IPO9: variants seen among roughly 807,000 people sequenced by gnomAD.
IPO9 encodes the protein importin 9.
Under a neutral mutation model 128.6 loss-of-function variants are expected in IPO9, and 28 were observed. The ratio of observed to expected loss-of-function variants is 0.22; its 90% CI spans 0.16 to 0.30. The LOEUF (loss-of-function observed/expected upper bound fraction) is 0.30, where lower values mean the gene tolerates loss of function less well. Among genes scored for constraint, IPO9 ranks in the 10% least tolerant of loss-of-function variants. The pLI, the probability that IPO9 is intolerant of heterozygous loss-of-function variation, is 1.00. For synonymous variants in IPO9, 455 were observed against 475.8 expected (o/e 0.96, Z 0.57); for missense variants, 935 against 1,293.9 (o/e 0.72, Z 4.26).
At chr1:201,868,896 C>G in intron 16 of IPO9, 100 bp downstream of exon 16, 6 of 1,393,632 alleles carry the variant, frequency 4.3e-6, no homozygotes, top group Non-Finnish European at 4.7e-6. Context: ...GTTAGAGATT[C>G]ATGGGGTGAT....
In IPO9 at chr1:201,870,573, G is replaced by A. The variant is rs1680630139; in HGVS notation, c.2134-10G>A. ...ATTACTAATCTTGCTTGCCACCCCT[G>A]TCTCCCCAGAATGGCGGAGAGTGCT... On this transcript the variant is annotated splice_polypyrimidine_tract_variant and intron_variant, in intron 17 of 23. Coordinates refer to ENST00000361565, the MANE Select transcript of IPO9 (RefSeq NM_018085.5). The surrounding 1 kb of genome is among the most constrained non-coding windows in gnomAD (Gnocchi z 4.9). 6.2e-7 allele frequency: 1 copy of A among 1,606,728 alleles called. No homozygotes were observed. The highest frequency in any genetic ancestry group is 8.5e-7 in the Non-Finnish European group (1 of 1,174,228).
At chr1:201,872,391 C>T (rs1044384427) in intron 19 of IPO9, among the ~76,000 whole-genome samples, 5 of 151,868 alleles carry the variant, frequency 3.3e-5, no homozygotes, top group Non-Finnish European at 7.4e-5. Context: ...CTGAGGTGGG[C>T]GAATTGCTTG....
chr1:201,846,925 T>G (rs887515873), intron 1 of IPO9, among the ~76,000 whole-genome samples: 16 of 152,166 alleles, frequency 1.1e-4, no homozygotes, highest in African/African-American at 3.4e-4. Context: ...CACCTCGACC[T>G]CCCAAAGTGC....
At chr1:201,833,244 A>C (rs1418845214) in intron 1 of IPO9, among the ~76,000 whole-genome samples, 1 of 118,104 alleles carries the variant, frequency 8.5e-6, no homozygotes, top group Admixed American at 8.2e-5. Flanking sequence ...TTTTTTTTTT[A>C]ATTTTATTTT....
At chr1:201,873,093 G>T in intron 20 of IPO9, 132 bp downstream of exon 20, 1 of 1,082,284 alleles carries the variant, frequency 9.2e-7, no homozygotes, top group Non-Finnish European at 1.3e-6. Context: ...TAAAGAAGAA[G>T]CAGGAAACTT....
At chr1:201,858,187 A>C (rs140918871) in intron 11 of IPO9, among the ~76,000 whole-genome samples, 1,845 of 152,346 alleles carry the variant, frequency 0.012, 14 homozygotes, top group Non-Finnish European at 0.021. Context: ...ATTATTGCTC[A>C]CTTATGCTCT....
rs1680811181 is a variant in IPO9, at chr1:201,878,147, T to C, written c.*2093T>C. ...TCCCATGCCAGCCAGGTTCTGAGGC[T>C]AACTGCTTGTGCCCCTGCTGCTTCA... On this transcript the variant is annotated 3_prime_UTR_variant, in exon 24 of 24. Transcript: ENST00000361565. 1 of 152,264 alleles carries C rather than the reference T, an allele frequency of 6.6e-6. No homozygotes were observed. Among genetic ancestry groups the C allele is most frequent in the South Asian group, 2.1e-4 (1 of 4,826 alleles). The allele number at this position is 152,264 out of a possible 1,614,324, so 9.4% of individuals were successfully genotyped here. A position where few individuals can be genotyped will look rare whatever the true frequency, so the allele number is the denominator to read the frequency against.
chr1:201,837,312 T>A (rs1302461174), intron 1 of IPO9, among the ~76,000 whole-genome samples: 1 of 152,188 alleles, frequency 6.6e-6, no homozygotes, highest in African/African-American at 2.4e-5. Context: ...GGAAAAAATA[T>A]ATTCATGCTA....
rs1553293537 is a variant in IPO9 at position 201,883,177 on chromosome 1, C to CCG, written c.*7124_*7125insGC. The stretch of plus-strand genomic sequence containing the variant: ...TAATTTGCTTTCACTAGATTCCCCC[C>CCG]CCCCCAACAACTTAGTCCAAGAACA... On this transcript the variant is annotated 3_prime_UTR_variant, in exon 24 of 24. Coordinates refer to ENST00000361565, the MANE Select transcript of IPO9 (RefSeq NM_018085.5). The CCG allele has an allele frequency of 1.4e-5, 2 of 148,106 alleles. No individual in the cohort carries two copies. Among genetic ancestry groups the CCG allele is most frequent in the East Asian group, 4.2e-4 (2 of 4,800 alleles). 9.2% of individuals were successfully genotyped at this position (148,106 alleles called of 1,614,324 possible). A position where few individuals can be genotyped will look rare whatever the true frequency, so the allele number is the denominator to read the frequency against.
rs372033054 is a variant in IPO9 at position 201,831,893 on chromosome 1, T to TGTC, written c.163+2523_163+2524insCGT. Among the ~76,000 whole-genome samples the TGTC allele has an allele frequency of 7.4e-5, 11 of 149,626 alleles. No homozygotes were observed. In the East Asian group the frequency reaches 2.0e-3, roughly 27 times the overall value. On this transcript the variant is annotated intron_variant, in intron 1 of 23. Transcript: ENST00000361565. ...TTTTAGTGTTTTTTGCTTTTGTTGTTGTTGTTGTTGTTGTTGTTGTTGTTT... is the reference window on the plus strand; with the variant it reads ...TTTTAGTGTTTTTTGCTTTTGTTGTTGTCGTTGTTGTTGTTGTTGTTGTTGTTT...
At chr1:201,845,942 G>T (rs1246032709) in intron 1 of IPO9, among the ~76,000 whole-genome samples, 2 of 152,062 alleles carry the variant, frequency 1.3e-5, no homozygotes, top group African/African-American at 2.4e-5. Flanking sequence ...GTATATATTA[G>T]ATCTAAGTTC....
intron 1 of IPO9, among the ~76,000 whole-genome samples, chr1:201,830,214 A>G (rs1190468949): frequency 6.6e-6 from 1 of 152,234 alleles, no homozygotes; most frequent in Non-Finnish European, 1.5e-5. Flanking sequence ...GTCTTTGTGT[A>G]AGAAATATAT....
Position 201,868,742 on chromosome 1 carries a change from T to C in IPO9, c.1950T>C (p.Thr650=). 6.2e-7 allele frequency: 1 copy of C among 1,614,012 alleles called. No homozygotes were observed. The highest frequency in any genetic ancestry group is 8.5e-7 in the Non-Finnish European group (1 of 1,179,990). Residue 650 remains threonine, a synonymous_variant, in exon 16 of 24, where the codon ACT becomes ACC. Transcript: ENST00000361565. ...CAATGCAAATGAGGCTGATTCCCACTCTGGTCAGCATAATGCAGGCCCCAG... is the reference window on the plus strand; with the variant it reads ...CAATGCAAATGAGGCTGATTCCCACCCTGGTCAGCATAATGCAGGCCCCAG... ...QGPMQMRLIP[T]LVSIMQAPAD...
chr1:201,841,594 A>G (rs1231464202), intron 1 of IPO9, among the ~76,000 whole-genome samples: 3 of 152,236 alleles, frequency 2.0e-5, no homozygotes, highest in Admixed American at 6.5e-5. Flanking sequence ...TGGTTTCTAA[A>G]TATAATTCTC....
At chr1:201,859,245 T>C (rs888071659) in intron 13 of IPO9, among the ~76,000 whole-genome samples, 5 of 146,294 alleles carry the variant, frequency 3.4e-5, no homozygotes, top group Non-Finnish European at 7.5e-5. Flanking sequence ...CTTGGTTATA[T>C]TGTTCACTTA....
At chr1:201,856,036 C>A in intron 10 of IPO9, 102 bp downstream of exon 10, 7 of 837,816 alleles carry the variant, frequency 8.4e-6, no homozygotes, top group South Asian at 4.5e-5. Flanking sequence ...TAAAAATAGA[C>A]ACAAAAAGAA....
intron 11 of IPO9, among the ~76,000 whole-genome samples, chr1:201,857,917 C>T (rs1373266916): frequency 6.6e-6 from 1 of 152,104 alleles, no homozygotes; most frequent in Non-Finnish European, 1.5e-5. Flanking sequence ...CATCCAAATA[C>T]CTGCTCATGT....
chr1:201,864,770 TTTCA>T (rs1242629882), intron 14 of IPO9, among the ~76,000 whole-genome samples: 1 of 152,222 alleles, frequency 6.6e-6, no homozygotes, highest in African/African-American at 2.4e-5. Context: ...TACAAAGAAC[TTTCA>T]TTCTCTGTTA....
chr1:201,832,801 G>A (rs1451863886), intron 1 of IPO9, among the ~76,000 whole-genome samples: 4 of 152,112 alleles, frequency 2.6e-5, no homozygotes, highest in Non-Finnish European at 5.9e-5. Flanking sequence ...CGTTCCCTTT[G>A]CCAAAAACAT....
Sources: gnomAD v4.1 joint callset for allele counts (sites outside exome capture counted in the v4.1 genomes callset) on GRCh38, gnomAD v4.1.1 for gene constraint, Gnocchi (gnomAD v3.1) non-coding constraint, MANE v1.5 for transcripts, NCBI Gene and HGNC (gene_info 2026-07-23, HGNC 2026-07-21) for gene names.